The following RYR2 variants were observed in gnomAD, a reference collection of about 807,000 sequenced individuals.
RYR2 encodes ryanodine receptor 2.
A neutral mutation model predicts 601.1 loss-of-function variants in RYR2; 227 were observed. The ratio of observed to expected loss-of-function variants is 0.38; its 90% CI spans 0.34 to 0.42. RYR2 has a LOEUF of 0.42. Ranked by LOEUF, RYR2 falls within the 10% of genes least tolerant of loss-of-function variation. The pLI is 1.00. For missense variants in RYR2, 4,646 were observed against 6,156.5 expected (o/e 0.75, Z 8.21); for synonymous variants, 2,223 against 2,175.1 (o/e 1.02, Z -0.61).
intron 17 of RYR2, among the ~76,000 whole-genome samples, chr1:237,473,268 A>G (rs1026514925): frequency 6.6e-6 from 1 of 151,954 alleles, no homozygotes; most frequent in Non-Finnish European, 1.5e-5. Context: ...TACTAAAAAT[A>G]CAAAAATTAG....
intron 8 of RYR2, among the ~76,000 whole-genome samples, chr1:237,379,333 C>T (rs1701268105): frequency 6.6e-6 from 1 of 152,172 alleles, no homozygotes; most frequent in Non-Finnish European, 1.5e-5. Context: ...AGGGCCAGGA[C>T]TTCTAACATC....
intron 1 of RYR2, among the ~76,000 whole-genome samples, chr1:237,169,199 C>T (rs1677053811): frequency 6.6e-6 from 1 of 152,118 alleles, no homozygotes. Context: ...GTCATCTAAT[C>T]AGACTCTAAT....
chr1:237,784,475 C>T lies in RYR2; in HGVS notation c.12763C>T (p.Leu4255Phe), dbSNP rs758007967. 2 of 1,613,310 alleles carry T rather than the reference C, an allele frequency of 1.2e-6. No homozygotes were observed. The highest frequency in any genetic ancestry group is 2.2e-5 in the East Asian group (1 of 44,816). ...TGCGCTCAGGTACAATATCTTGACC[C>T]TTATGCGAATGCTCAGTCTGAAGAG... ...LFALRYNILT[L>F]MRMLSLKSLK... Residue 4255 changes from leucine (L) to phenylalanine (F), a missense_variant, in exon 90 of 105, where the codon CTT becomes TTT. Around this residue, in one of 17 missense-constraint regions of RYR2, gnomAD observed 364 missense variants for 442.9 expected, o/e 0.82. Coordinates refer to ENST00000366574, the MANE Select transcript of RYR2 (RefSeq NM_001035.3). This position sits in a 1 kb window ranked among gnomAD's most constrained non-coding sequence, Gnocchi z 7.1.
chr1:237,830,445 A>G, intron 102 of RYR2, 85 bp from the exon 103 acceptor site: 1 of 820,120 alleles, frequency 1.2e-6, no homozygotes, highest in South Asian at 1.3e-5. Flanking sequence ...TGAACCAAAT[A>G]ATAGCTGCCC....
At chr1:237,503,164 G>A (rs891187622) in intron 21 of RYR2, 125 bp from the exon 22 acceptor site, 69 of 764,230 alleles carry the variant, frequency 9.0e-5, no homozygotes, top group South Asian at 7.6e-4. Flanking sequence ...ATGATGGTAC[G>A]TAGGGGAAAA....
intron 35 of RYR2, among the ~76,000 whole-genome samples, chr1:237,603,998 C>T (rs1431663723): frequency 1.3e-5 from 2 of 152,174 alleles, no homozygotes; most frequent in African/African-American, 4.8e-5. Flanking sequence ...CCACTGTCAA[C>T]ATTAGACATA....
At chr1:237,662,285 A>G (rs1683876591) in intron 56 of RYR2, among the ~76,000 whole-genome samples, 1 of 152,074 alleles carries the variant, frequency 6.6e-6, no homozygotes, top group Non-Finnish European at 1.5e-5. Flanking sequence ...TAAGTAGATT[A>G]GCTTTTATTT....
intron 1 of RYR2, among the ~76,000 whole-genome samples, chr1:237,062,891 C>A (rs563854642): frequency 1.3e-5 from 2 of 150,628 alleles, no homozygotes; most frequent in African/African-American, 4.9e-5. Context: ...TGAATTCTGC[C>A]TTGTATTGGG....
intron 12 of RYR2, among the ~76,000 whole-genome samples, chr1:237,435,940 G>A (rs1387572664): frequency 6.6e-6 from 1 of 152,144 alleles, no homozygotes; most frequent in Non-Finnish European, 1.5e-5. Context: ...AAGTGGTCTG[G>A]CCAGGATGAT....
At chr1:237,480,967 A>C (rs1662000154) in intron 17 of RYR2, among the ~76,000 whole-genome samples, 1 of 151,700 alleles carries the variant, frequency 6.6e-6, no homozygotes, top group Non-Finnish European at 1.5e-5. Context: ...GAGCTTTATG[A>C]GTGCTCAAGA....
chr1:237,383,159 C>T (rs772866691), intron 8 of RYR2, among the ~76,000 whole-genome samples: 11 of 151,866 alleles, frequency 7.2e-5, no homozygotes, highest in Non-Finnish European at 1.2e-4. Context: ...AACTTATTGA[C>T]CTCATCATAA....
At chr1:237,316,039 C>G (rs531239484) in intron 2 of RYR2, among the ~76,000 whole-genome samples, 7 of 151,970 alleles carry the variant, frequency 4.6e-5, no homozygotes, top group Non-Finnish European at 7.4e-5. Context: ...GCAGGGGGAT[C>G]AGGTTAGAGA....
chr1:237,817,895 T>C (rs1662011922), intron 100 of RYR2, among the ~76,000 whole-genome samples: 1 of 152,224 alleles, frequency 6.6e-6, no homozygotes, highest in Admixed American at 6.5e-5. Flanking sequence ...AGTCAGGGTA[T>C]CTGGAACAGT....
chr1:237,680,190 A>G (rs1223096853), intron 61 of RYR2, among the ~76,000 whole-genome samples: 1 of 152,190 alleles, frequency 6.6e-6, no homozygotes, highest in Admixed American at 6.5e-5. Context: ...GTTATATGAA[A>G]ACATTGAGAA....
chr1:237,042,502 C>T lies in RYR2; in HGVS notation c.-20C>T, dbSNP rs778527185. The T allele has an allele frequency of 8.8e-6, 11 of 1,248,138 alleles. No individual in the cohort carries two copies. Among genetic ancestry groups the T allele is most frequent in the African/African-American group, 1.5e-5 (1 of 64,522 alleles). The allele number at this position is 1,248,138 out of a possible 1,614,324, so 77.3% of individuals were successfully genotyped here. ...CTCCGCGGGGCTCGGGAGCCGGCCC[C>T]GGCGAGGAGGCGCGGAACCATGGCC... On this transcript the variant is annotated 5_prime_UTR_variant, in exon 1 of 105. Transcript: ENST00000366574.
At position 237,614,042 on chromosome 1, in the gene RYR2, T is replaced by A; in HGVS notation, c.4914T>A (p.Ser1638=). Residue 1638 remains serine, a synonymous_variant, in exon 37 of 105, where the codon TCT becomes TCA. Coordinates refer to ENST00000366574, the MANE Select transcript of RYR2 (RefSeq NM_001035.3). The surrounding 1 kb of genome is among the most constrained non-coding windows in gnomAD (Gnocchi z 4.3). The part of the protein sequence containing the change: ...MSLHIPEENR[S]VDILELTEQE... ...ACCACTCTCCTCCCTTCTACAGATCTGTTGACATCTTAGAGTTGACAGAGC... is the reference window on the plus strand; with the variant it reads ...ACCACTCTCCTCCCTTCTACAGATCAGTTGACATCTTAGAGTTGACAGAGC... The A allele has an allele frequency of 6.2e-7, 1 of 1,610,952 alleles. No homozygotes were observed. The highest frequency in any genetic ancestry group is 8.5e-7 in the Non-Finnish European group (1 of 1,177,450).
At chr1:237,104,896 GGT>G in intron 1 of RYR2, among the ~76,000 whole-genome samples, 1 of 152,322 alleles carries the variant, frequency 6.6e-6, no homozygotes, top group Non-Finnish European at 1.5e-5. Context: ...ATCTGTGCCT[GGT>G]GCTTAATGGC....
chr1:237,479,869 A>G (rs1661836222), intron 17 of RYR2, among the ~76,000 whole-genome samples: 1 of 152,198 alleles, frequency 6.6e-6, no homozygotes, highest in Non-Finnish European at 1.5e-5. Context: ...ATTTCCATTT[A>G]CAAATGAAGA....
chr1:237,638,448 G>T lies in RYR2; in HGVS notation c.6884G>T (p.Gly2295Val). The T allele has an allele frequency of 6.2e-7, 1 of 1,613,946 alleles. No homozygotes were observed. ...GACATTGGGTGGAACCCAGTTGAAG[G>T]AGAGAGATATCTTGACTTTCTTAGA... is the stretch of plus-strand genomic sequence containing the variant. Reference protein sequence around the residue: ...YPDIGWNPVEGERYLDFLRFA... With the variant: ...YPDIGWNPVEVERYLDFLRFA... The change falls in exon 45 of 105, where the codon GGA becomes GTA. Residue 2295 changes from glycine to valine, a missense_variant. Coordinates refer to ENST00000366574, the MANE Select transcript of RYR2 (RefSeq NM_001035.3).
Sources: gnomAD v4.1 joint callset for allele counts (sites outside exome capture counted in the v4.1 genomes callset) on GRCh38, gnomAD v4.1.1 for gene constraint, gnomAD v4.1.1 regional missense constraint, Gnocchi (gnomAD v3.1) non-coding constraint, MANE v1.5 for transcripts, NCBI Gene and HGNC (gene_info 2026-07-23, HGNC 2026-07-21) for gene names.